The following ASH1L variants were observed in gnomAD, a reference collection of about 807,000 sequenced individuals.
The protein encoded by ASH1L is ASH1 like histone lysine methyltransferase.
A neutral mutation model predicts 269.0 loss-of-function variants in ASH1L; 23 were observed. The ratio of observed to expected loss-of-function variants is 0.09; its 90% confidence interval spans 0.06 to 0.12. ASH1L has a LOEUF of 0.12. Ranked by LOEUF, ASH1L falls within the 10% of genes least tolerant of loss-of-function variation. The probability of loss-of-function intolerance (pLI) is 1.00; values close to 1 mark genes in which losing one functional copy is unlikely to be tolerated. For synonymous variants in ASH1L, 1,187 were observed against 1,253.5 expected, an observed-to-expected ratio of 0.95 and a Z score of 1.12; for missense variants, 2,912 against 3,567.8, an observed-to-expected ratio of 0.82 and a Z score of 4.68.
chr1:155,433,628 G>C, intron 5 of ASH1L: 1 of 1,608,592 alleles, frequency 6.2e-7, no homozygotes, highest in African/African-American at 1.3e-5. Flanking sequence ...CGAACAATTT[G>C]CCAAGCTCCT....
rs1553275245 is a variant in ASH1L, at chr1:155,532,960, T to TGG, written c.-99-11344_-99-11343dup. On this transcript the variant is annotated intron_variant, in intron 1 of 27. Coordinates refer to ENST00000392403, the MANE Select transcript of ASH1L (RefSeq NM_018489.3). ...ATATGTGTGTGTGTGTATATATATA[T>TGG]GGGGGGAGAGAGAGAGAGAGAGAGT... Among the ~76,000 whole-genome samples the TGG allele has an allele frequency of 2.7e-3, 158 of 58,438 alleles. 1 individual carries two copies. Among genetic ancestry groups the TGG allele is most frequent in the East Asian group, 0.017 (36 of 2,148 alleles). The allele number at this position is 58,438 out of a possible 152,430, so 38.3% of individuals were successfully genotyped here. A position where few individuals can be genotyped will look rare whatever the true frequency, so the allele number is the denominator to read the frequency against.
At chr1:155,523,074 A>G (rs191066977) in intron 1 of ASH1L, among the ~76,000 whole-genome samples, 2 of 152,324 alleles carry the variant, frequency 1.3e-5, no homozygotes, top group African/African-American at 2.4e-5. Flanking sequence ...CATGTCAAAC[A>G]TATGTCTGAG....
At position 155,406,950 on chromosome 1, in the gene ASH1L, A is replaced by G. The variant is rs143756968; in HGVS notation, c.6008+8794T>C. On this transcript the variant is annotated intron_variant, in intron 6 of 27. Transcript: ENST00000392403. Reference sequence around the variant, plus strand: ...ACACATGAAAAGACAGTTAAAAGAAAAAGATAATTAAATGGCCTTCAAAGA... The same window carrying G: ...ACACATGAAAAGACAGTTAAAAGAAGAAGATAATTAAATGGCCTTCAAAGA... Among the ~76,000 whole-genome samples, 1,960 of 152,284 alleles carry G rather than the reference A, an allele frequency of 0.013. 128 individuals carry two copies. The East Asian group carries it at 0.23, about 18-fold the overall frequency.
At chr1:155,520,352 T>A (rs1237698037) in intron 2 of ASH1L, 1 of 80,882 alleles carries the variant, frequency 1.2e-5, no homozygotes, top group Non-Finnish European at 2.1e-5. Flanking sequence ...AGAGTAAGAC[T>A]CCATCTCAAA....
At chr1:155,527,038 C>T (rs1346919058) in intron 1 of ASH1L, among the ~76,000 whole-genome samples, 1 of 152,146 alleles carries the variant, frequency 6.6e-6, no homozygotes, top group Admixed American at 6.6e-5. Flanking sequence ...GAAACCCCAT[C>T]TCTACCAAAA....
rs923628488 is a variant in ASH1L, at chr1:155,482,227, T to C, written c.643A>G (p.Ser215Gly). The C allele has an allele frequency of 1.2e-6, 2 of 1,614,094 alleles. No individual in the cohort carries two copies. The highest frequency in any genetic ancestry group is 1.7e-6 in the Non-Finnish European group (2 of 1,180,032). ...AGCTGTGCCAACTTTTCTGTTACACTAGTTCCTCCATTAAGTAATGCTCTG... is the reference window on the plus strand; with the variant it reads ...AGCTGTGCCAACTTTTCTGTTACACCAGTTCCTCCATTAAGTAATGCTCTG... ...KDRALLNGGT[S>G]VTEKLAQLIA... The change falls in exon 3 of 28, where the codon AGT (serine) becomes GGT (glycine). Residue 215 changes from serine to glycine, a missense_variant. Physicochemically the swap from Ser to Gly is moderately conservative, Grantham distance 56. Around this residue, in one of 13 missense-constraint regions of ASH1L, gnomAD observed 277 missense variants for 367.7 expected, o/e 0.75. Coordinates refer to ENST00000392403, the MANE Select transcript of ASH1L (RefSeq NM_018489.3).
chr1:155,484,547 T>C lies in ASH1L; in HGVS notation c.421-2098A>G, dbSNP rs536464210. On this transcript the variant is annotated intron_variant, in intron 2 of 27. Transcript: ENST00000392403. ...ATATAGAAAATTAGTTATATAAGTA[T>C]ATGAAAAGTAATTATTTTGAATTAC... is the stretch of plus-strand genomic sequence containing the variant. Among the ~76,000 whole-genome samples, 3 of 152,178 alleles carry C rather than the reference T, an allele frequency of 2.0e-5. No individual in the cohort carries two copies. In the South Asian group the frequency reaches 6.2e-4, roughly 32 times the overall value.
chr1:155,457,437 G>A (rs1330278426), intron 4 of ASH1L, among the ~76,000 whole-genome samples: 3 of 152,142 alleles, frequency 2.0e-5, no homozygotes, highest in African/African-American at 7.2e-5. Context: ...GCTATTTCAT[G>A]GTTTTGTGCC....
rs115209829 is a variant in ASH1L, at chr1:155,481,928, C to T, written c.942G>A (p.Ala314=). ...TGCCTAAGTTTTTATTAATGAATAC[C>T]GCTGTAGTGCCAGTTCCCAGTTTTT... ...SVKKLGTGTT[A]VFINKNLGKK... Residue 314 remains alanine, a synonymous_variant, in exon 3 of 28, where the codon GCG becomes GCA. Coordinates refer to ENST00000392403, the MANE Select transcript of ASH1L (RefSeq NM_018489.3). 1.2e-3 allele frequency: 1,988 copies of T among 1,614,082 alleles called. 27 individuals carry two copies. The African/African-American group carries it at 0.024, about 20-fold the overall frequency.
In ASH1L at chr1:155,337,611, G is replaced by A; in HGVS notation, c.*49C>T. On this transcript the variant is annotated 3_prime_UTR_variant, in exon 28 of 28. Coordinates refer to ENST00000392403, the MANE Select transcript of ASH1L (RefSeq NM_018489.3). Reference sequence around the variant, plus strand: ...TACCCAGAGAGCAGGAGGCAGGACTGATTAGCTCCACTGGATCCCAGATGC... The same window carrying A: ...TACCCAGAGAGCAGGAGGCAGGACTAATTAGCTCCACTGGATCCCAGATGC... 1.3e-6 allele frequency: 2 copies of A among 1,516,368 alleles called. No individual in the cohort carries two copies. Among genetic ancestry groups the A allele is most frequent in the Non-Finnish European group, 1.8e-6 (2 of 1,091,956 alleles). The allele number at this position is 1,516,368 out of a possible 1,614,324, so 93.9% of individuals were successfully genotyped here.
intron 4 of ASH1L, among the ~76,000 whole-genome samples, chr1:155,444,654 C>T (rs543410646): frequency 6.6e-6 from 1 of 152,092 alleles, no homozygotes; most frequent in East Asian, 1.9e-4. Flanking sequence ...CTCGCTTTAT[C>T]ACCCAGGCCG....
chr1:155,482,530 A>G, intron 2 of ASH1L, 81 bp from the exon 3 acceptor site: 1 of 1,365,484 alleles, frequency 7.3e-7, no homozygotes, highest in Non-Finnish European at 1.0e-6. Context: ...CAACAAACTA[A>G]TGGATCACAT....
intron 17 of ASH1L, among the ~76,000 whole-genome samples, chr1:155,351,354 G>A (rs996306354): frequency 1.9e-4 from 28 of 151,136 alleles, no homozygotes; most frequent in African/African-American, 6.1e-4. Flanking sequence ...GTTCGAAAAC[G>A]GCTTGGCTAA....
At chr1:155,551,293 T>C (rs1313650805) in intron 1 of ASH1L, among the ~76,000 whole-genome samples, 5 of 152,202 alleles carry the variant, frequency 3.3e-5, no homozygotes, top group African/African-American at 4.8e-5. Context: ...GAAAAATTTT[T>C]GTCACATAAT....
intron 6 of ASH1L, among the ~76,000 whole-genome samples, chr1:155,402,885 C>G: frequency 7.3e-6 from 1 of 137,400 alleles, no homozygotes; most frequent in African/African-American, 2.9e-5. Context: ...TTTTTTTCAG[C>G]ATAAAAAGAC....
intron 1 of ASH1L, among the ~76,000 whole-genome samples, chr1:155,527,132 C>T (rs1329030829): frequency 6.6e-6 from 1 of 151,906 alleles, no homozygotes; most frequent in Non-Finnish European, 1.5e-5. Context: ...TGCTTGAACC[C>T]GGGAGGCAGA....
Position 155,337,605 on chromosome 1 carries a change from AG to A in ASH1L, c.*54del. 6.8e-7 allele frequency: 1 copy of A among 1,461,358 alleles called. No homozygotes were observed. The highest frequency in any genetic ancestry group is 9.6e-7 in the Non-Finnish European group (1 of 1,041,960). 90.5% of individuals were successfully genotyped at this position (1,461,358 alleles called of 1,614,324 possible). On this transcript the variant is annotated 3_prime_UTR_variant, in exon 28 of 28. Transcript: ENST00000392403. ...TGTCTATACCCAGAGAGCAGGAGGCAGGACTGATTAGCTCCACTGGATCCCA... is the reference window on the plus strand; with the variant it reads ...TGTCTATACCCAGAGAGCAGGAGGCAGACTGATTAGCTCCACTGGATCCCA...
intron 20 of ASH1L, 143 bp from the exon 21 acceptor site, chr1:155,346,612 G>T: frequency 1.5e-6 from 1 of 680,336 alleles, no homozygotes; most frequent in Non-Finnish European, 2.6e-6. Flanking sequence ...ATAAATTAGA[G>T]ATAAATGGTA....
At chr1:155,404,554 T>C (rs552959082) in intron 6 of ASH1L, among the ~76,000 whole-genome samples, 1 of 152,114 alleles carries the variant, frequency 6.6e-6, no homozygotes, top group East Asian at 1.9e-4. Context: ...ACGATGTGAA[T>C]GATCTTAAGC....
Sources: allele counts gnomAD v4.1 joint callset (sites outside exome capture counted in the v4.1 genomes callset), GRCh38; gene constraint gnomAD v4.1.1; regional missense constraint gnomAD v4.1.1; transcripts MANE v1.5; gene names NCBI Gene and HGNC (gene_info 2026-07-23, HGNC 2026-07-21).